The following KNG1 variants were observed in gnomAD, a reference collection of about 807,000 sequenced individuals.
The protein encoded by KNG1 is kininogen 1.
KNG1 carries 23 observed loss-of-function variants against 47.8 expected under a neutral mutation model. The observed-to-expected ratio is 0.48, with a 90% CI of 0.35 to 0.68. KNG1 has a LOEUF of 0.68. Among genes scored for constraint, KNG1 ranks in the 30% least tolerant of loss-of-function variants. The probability of loss-of-function intolerance (pLI) is 0.01; values close to 1 mark genes in which losing one functional copy is unlikely to be tolerated. For synonymous variants in KNG1, 277 were observed against 277.0 expected (o/e 1.00, Z 0.00); for missense variants, 762 against 790.2 (o/e 0.96, Z 0.43).
intron 7 of KNG1, among the ~76,000 whole-genome samples, chr3:186,737,928 T>C (rs892388618): frequency 6.6e-6 from 1 of 151,968 alleles, no homozygotes; most frequent in African/African-American, 2.4e-5. Flanking sequence ...AAATATTTAA[T>C]GGAAGATAGT....
intron 5 of KNG1, chr3:186,728,276 G>A (rs532127898): frequency 1.3e-5 from 2 of 152,254 alleles, no homozygotes; most frequent in African/African-American, 4.8e-5. Context: ...CTTTAGCCAA[G>A]GAAATGCTGC....
chr3:186,722,505 C>T lies in KNG1; in HGVS notation c.375C>T (p.Thr125=), dbSNP rs748773693. The change falls in exon 3 of 10, where the codon ACC becomes ACT. Residue 125 remains threonine (T), a synonymous_variant. Transcript: ENST00000644859. ...CGAAATTCTCCGTGGCTACCCAGAC[C>T]TGCCAGATTACTCCAGGTGGCTGGT... The part of the protein sequence containing the change: ...SSTKFSVATQ[T]CQITPAEGPV... 3.1e-6 allele frequency: 5 copies of T among 1,613,654 alleles called. No homozygotes were observed. Among genetic ancestry groups the T allele is most frequent in the Non-Finnish European group, 3.4e-6 (4 of 1,179,658 alleles).
At chr3:186,735,218 G>T (rs935924870) in intron 7 of KNG1, among the ~76,000 whole-genome samples, 1 of 152,144 alleles carries the variant, frequency 6.6e-6, no homozygotes, top group Non-Finnish European at 1.5e-5. Flanking sequence ...AGACATGGTA[G>T]CTCATGCCTG....
At chr3:186,726,820 G>T (rs762178654) in intron 4 of KNG1, among the ~76,000 whole-genome samples, 1 of 152,106 alleles carries the variant, frequency 6.6e-6, no homozygotes, top group Non-Finnish European at 1.5e-5. Flanking sequence ...GGACCCAACA[G>T]TAAAGACCAC....
chr3:186,731,721 C>T (rs1262493884), intron 6 of KNG1, 92 bp downstream of exon 6: 7 of 788,732 alleles, frequency 8.9e-6, no homozygotes, highest in African/African-American at 5.1e-5. Context: ...TTTTGGTTCC[C>T]GTGATATACT....
intron 9 of KNG1, among the ~76,000 whole-genome samples, chr3:186,740,624 CTT>C (rs1179965087): frequency 6.6e-6 from 1 of 152,202 alleles, no homozygotes; most frequent in South Asian, 2.1e-4. Flanking sequence ...TCTTTTCCCT[CTT>C]TTCTGATTTG....
Position 186,742,586 on chromosome 3 carries a change from C to T in KNG1, c.*255C>T. On this transcript the variant is annotated 3_prime_UTR_variant, in exon 10 of 10. Coordinates refer to ENST00000644859, the MANE Select transcript of KNG1 (RefSeq NM_001102416.3). ...TAAACTAGCACAGTAAACAGACAAACTAATGTGCCGTATGGCCTGCTGCAA... is the reference window on the plus strand; with the variant it reads ...TAAACTAGCACAGTAAACAGACAAATTAATGTGCCGTATGGCCTGCTGCAA... 1 of 1,326,844 alleles carries T rather than the reference C, an allele frequency of 7.5e-7. No individual in the cohort carries two copies. Among genetic ancestry groups the T allele is most frequent in the Non-Finnish European group, 9.6e-7 (1 of 1,036,898 alleles). 82.2% of individuals were successfully genotyped at this position (1,326,844 alleles called of 1,614,324 possible).
intron 9 of KNG1, 58 bp from the exon 10 acceptor site, chr3:186,741,464 C>G: frequency 6.6e-7 from 1 of 1,509,984 alleles, no homozygotes; most frequent in South Asian, 1.2e-5. Flanking sequence ...GTGTTTTTTT[C>G]TATCATCAAT....
rs1020482228 is a variant in KNG1 at position 186,722,652 on chromosome 3, A to C, written c.391+131A>C. On this transcript the variant is annotated intron_variant, in intron 3 of 9. Coordinates refer to ENST00000644859, the MANE Select transcript of KNG1 (RefSeq NM_001102416.3). ...AGTAAAGCCATTTGCAGAGTTAGGG[A>C]GCATTGGGTGGAGCGGCAGAGCCCG... 6 of 760,794 alleles carry C rather than the reference A, an allele frequency of 7.9e-6. No homozygotes were observed. The East Asian group carries it at 1.6e-4, about 20-fold the overall frequency. 47.1% of individuals were successfully genotyped at this position (760,794 alleles called of 1,614,324 possible).
chr3:186,725,205 A>G lies in KNG1; in HGVS notation c.509A>G (p.Asn170Ser), dbSNP rs1720324744. 1.2e-6 allele frequency: 2 copies of G among 1,614,020 alleles called. No individual in the cohort carries two copies. The highest frequency in any genetic ancestry group is 2.2e-5 in the South Asian group (2 of 91,090). ...LRHGIQYFNNNTQHSSLFMLN... is the reference protein window; with the variant it reads ...LRHGIQYFNNSTQHSSLFMLN... ...CACGGCATTCAGTACTTTAACAACAACACTCAACATTCCTCCCTCTTCATG... is the reference window on the plus strand; with the variant it reads ...CACGGCATTCAGTACTTTAACAACAGCACTCAACATTCCTCCCTCTTCATG... Residue 170 changes from asparagine to serine, a missense_variant, in exon 4 of 10, where the codon AAC (asparagine) becomes AGC (serine). By Grantham distance (46) the Asn-to-Ser change is conservative (BLOSUM62 1). Transcript: ENST00000644859.
Position 186,744,010 on chromosome 3 carries a change from G to A in KNG1, c.*1679G>A, listed in dbSNP as rs572251863. ...TTCTGCAGCAAATTCCAGCTGGTCA[G>A]AGAGTCAGTGCTGTGGCTCTGCCAT... On this transcript the variant is annotated 3_prime_UTR_variant, in exon 10 of 10. Transcript: ENST00000644859. The A allele has an allele frequency of 1.4e-4, 82 of 585,418 alleles. 3 individuals carry two copies. The South Asian group carries it at 1.5e-3, about 11-fold the overall frequency. 36.3% of individuals were successfully genotyped at this position (585,418 alleles called of 1,614,324 possible). A position where few individuals can be genotyped will look rare whatever the true frequency, so the allele number is the denominator to read the frequency against.
Position 186,722,516 on chromosome 3 carries a change from C to A in KNG1, c.386C>A (p.Thr129Asn), listed in dbSNP as rs1381950791. Reference sequence around the variant, plus strand: ...GTGGCTACCCAGACCTGCCAGATTACTCCAGGTGGCTGGTTTATCCTCTGG... The same window carrying A: ...GTGGCTACCCAGACCTGCCAGATTAATCCAGGTGGCTGGTTTATCCTCTGG... ...FSVATQTCQI[T>N]PAEGPVVTAQ... Residue 129 changes from threonine to asparagine, a missense_variant, in exon 3 of 10, where the codon ACT becomes AAT. Coordinates refer to ENST00000644859, the MANE Select transcript of KNG1 (RefSeq NM_001102416.3). The A allele has an allele frequency of 9.3e-6, 15 of 1,611,588 alleles. No individual in the cohort carries two copies. Among genetic ancestry groups the A allele is most frequent in the Non-Finnish European group, 1.3e-5 (15 of 1,178,024 alleles).
chr3:186,724,088 G>A (rs1219069279), intron 3 of KNG1, among the ~76,000 whole-genome samples: 1 of 152,176 alleles, frequency 6.6e-6, no homozygotes, highest in Non-Finnish European at 1.5e-5. Flanking sequence ...TTTCCTCTGG[G>A]TAGATGCCCA....
chr3:186,732,273 C>T (rs1335395025), intron 6 of KNG1, among the ~76,000 whole-genome samples: 1 of 152,298 alleles, frequency 6.6e-6, no homozygotes, highest in East Asian at 1.9e-4. Context: ...GTTGGAGTTA[C>T]TCGCACTTTC....
In KNG1 at chr3:186,743,880, T is replaced by A; in HGVS notation, c.*1549T>A. Reference sequence around the variant, plus strand: ...ACAAGAAGAAAGATGGGATAGAATTTAAATAGAGAAGAATGCCATTTTATC... The same window carrying A: ...ACAAGAAGAAAGATGGGATAGAATTAAAATAGAGAAGAATGCCATTTTATC... On this transcript the variant is annotated 3_prime_UTR_variant, in exon 10 of 10. Coordinates refer to ENST00000644859, the MANE Select transcript of KNG1 (RefSeq NM_001102416.3). The A allele has an allele frequency of 1.1e-6, 1 of 877,956 alleles. No individual in the cohort carries two copies. Among genetic ancestry groups the A allele is most frequent in the Non-Finnish European group, 1.9e-6 (1 of 519,276 alleles). 54.4% of individuals were successfully genotyped at this position (877,956 alleles called of 1,614,324 possible).
chr3:186,725,418 T>C (rs1720331624), intron 4 of KNG1, among the ~76,000 whole-genome samples, 158 bp downstream of exon 4: 2 of 152,090 alleles, frequency 1.3e-5, no homozygotes, highest in Admixed American at 6.6e-5. Context: ...TAGTGCAATA[T>C]GTAAAGTGAG....
Position 186,741,941 on chromosome 3 carries a change from G to C in KNG1, c.1545G>C (p.Lys515Asn). The C allele has an allele frequency of 6.2e-7, 1 of 1,614,206 alleles. No homozygotes were observed. The highest frequency in any genetic ancestry group is 8.5e-7 in the Non-Finnish European group (1 of 1,180,030). Residue 515 changes from lysine (K) to asparagine (N), a missense_variant, in exon 10 of 10, where the codon AAG becomes AAC. Transcript: ENST00000644859. ...KHKNKGKKNG[K>N]HNGWKTEHLA... is the part of the protein sequence containing the mutation. ...AAAATAAAGGCAAAAAGAATGGAAAGCACAATGGTTGGAAAACAGAGCATT... is the reference window on the plus strand; with the variant it reads ...AAAATAAAGGCAAAAAGAATGGAAACCACAATGGTTGGAAAACAGAGCATT...
chr3:186,725,543 A>ATTT lies in KNG1; in HGVS notation c.564+300_564+302dup, dbSNP rs71167003. Among the ~76,000 whole-genome samples the ATTT allele has an allele frequency of 1.0e-4, 9 of 87,724 alleles. 1 individual carries two copies. Among genetic ancestry groups the ATTT allele is most frequent in the Non-Finnish European group, 1.7e-4 (8 of 46,182 alleles). 57.6% of individuals were successfully genotyped at this position (87,724 alleles called of 152,430 possible). ...AAGGAAAAGTCATACCGGCCTTAGG[A>ATTT]TTTTTTTTTTTTTTTTTTTGAGACA... is the stretch of plus-strand genomic sequence containing the variant. On this transcript the variant is annotated intron_variant, in intron 4 of 9. Coordinates refer to ENST00000644859, the MANE Select transcript of KNG1 (RefSeq NM_001102416.3).
At chr3:186,729,906 A>G (rs1176886292) in intron 5 of KNG1, among the ~76,000 whole-genome samples, 1 of 152,150 alleles carries the variant, frequency 6.6e-6, no homozygotes, top group Non-Finnish European at 1.5e-5. Flanking sequence ...TCCCAACCTC[A>G]GGTGATCCGC....
Sources: allele counts gnomAD v4.1 joint callset (sites outside exome capture counted in the v4.1 genomes callset), GRCh38; gene constraint gnomAD v4.1.1; transcripts MANE v1.5; gene names NCBI Gene and HGNC (gene_info 2026-07-23, HGNC 2026-07-21).